The following MAP3K20 variants were observed in gnomAD, a reference collection of about 807,000 sequenced individuals.
MAP3K20 encodes the protein mitogen-activated protein kinase kinase kinase 20.
Under a neutral mutation model 85.7 loss-of-function variants are expected in MAP3K20, and 40 were observed. The observed-to-expected ratio is 0.47, with a 90% confidence interval of 0.36 to 0.61. The LOEUF is 0.61. Among genes scored for constraint, MAP3K20 ranks in the 20% least tolerant of loss-of-function variants. MAP3K20 has a pLI of 0.00. For missense variants in MAP3K20, 817 were observed against 961.7 expected, an observed-to-expected ratio of 0.85 and a Z score of 1.99; for synonymous variants, 325 against 327.7, an observed-to-expected ratio of 0.99 and a Z score of 0.09.
rs545806875 is a variant in MAP3K20 at position 173,174,308 on chromosome 2, C to T, written c.247+4416C>T. ...ATGGTGGTTTGTTGCACCCATCAAC[C>T]TGTCATCTACATTAGGTATTTTTCC... On this transcript the variant is annotated intron_variant, in intron 3 of 19. Coordinates refer to ENST00000375213, the MANE Select transcript of MAP3K20 (RefSeq NM_016653.3). 8.5e-5 allele frequency among the ~76,000 whole-genome samples: 13 copies of T among 152,218 alleles called. No homozygotes were observed. The East Asian group carries it at 1.7e-3, about 20-fold the overall frequency.
chr2:173,144,740 A>G (rs935538334), intron 2 of MAP3K20, among the ~76,000 whole-genome samples: 4 of 152,088 alleles, frequency 2.6e-5, no homozygotes, highest in Non-Finnish European at 4.4e-5. Flanking sequence ...TGCGTTTTCC[A>G]TAAGTCCAGT....
At chr2:173,128,350 TCAG>T (rs1688508045) in intron 2 of MAP3K20, among the ~76,000 whole-genome samples, 2 of 151,424 alleles carry the variant, frequency 1.3e-5, no homozygotes, top group Non-Finnish European at 2.9e-5. Flanking sequence ...TTTATTTATT[TCAG>T]ATAGAGTCTC....
chr2:173,089,213 A>C (rs1687224146), intron 1 of MAP3K20, among the ~76,000 whole-genome samples: 1 of 151,838 alleles, frequency 6.6e-6, no homozygotes, highest in Non-Finnish European at 1.5e-5. Context: ...AAGAATGGAA[A>C]GAGTAGTAAA....
At position 173,203,916 on chromosome 2, in the gene MAP3K20, CTT is replaced by C. The variant is rs779746436; in HGVS notation, c.744+47_744+48del. ...TATTGTTTAGAATTCTGAAATTTCT[CTT>C]GTTTGGCTTTCAGTTTTTAAAACTT... is the stretch of plus-strand genomic sequence containing the variant. On this transcript the variant is annotated intron_variant, in intron 9 of 19. Coordinates refer to ENST00000375213, the MANE Select transcript of MAP3K20 (RefSeq NM_016653.3). 73 of 1,555,162 alleles carry C rather than the reference CTT, an allele frequency of 4.7e-5. 1 individual carries two copies. Among genetic ancestry groups the C allele is most frequent in the African/African-American group, 2.8e-4 (21 of 73,708 alleles).
intron 14 of MAP3K20, among the ~76,000 whole-genome samples, chr2:173,234,170 T>C (rs1684592148): frequency 6.6e-6 from 1 of 152,198 alleles, no homozygotes; most frequent in African/African-American, 2.4e-5. Context: ...CCTGCCATCT[T>C]TGAAAAGGCC....
chr2:173,096,344 C>CTTT (rs11389136), intron 2 of MAP3K20, among the ~76,000 whole-genome samples: 7 of 144,628 alleles, frequency 4.8e-5, no homozygotes, highest in South Asian at 2.2e-4. Flanking sequence ...TTCTTTTTTC[C>CTTT]TTTTTTTTTT....
chr2:173,169,181 A>G (rs1050929530), intron 2 of MAP3K20, among the ~76,000 whole-genome samples: 1 of 152,150 alleles, frequency 6.6e-6, no homozygotes. Flanking sequence ...ATTTTGCAAA[A>G]TATATATATT....
chr2:173,081,189 A>T (rs927366560), intron 1 of MAP3K20, among the ~76,000 whole-genome samples: 14 of 140,886 alleles, frequency 9.9e-5, no homozygotes, highest in Admixed American at 2.9e-4. Context: ...AAAAAGACAA[A>T]TTTTTTTTTT....
Position 173,162,048 on chromosome 2 carries a change from A to G in MAP3K20, c.160-7757A>G, listed in dbSNP as rs142219538. Among the ~76,000 whole-genome samples the G allele has an allele frequency of 2.2e-3, 341 of 152,334 alleles. 1 individual carries two copies. Among genetic ancestry groups the G allele is most frequent in the African/African-American group, 7.6e-3 (317 of 41,572 alleles). ...TGCTTTTTCTGATTATAAAAATTAC[A>G]TAGACTTATTGTAAAGAATTTGGGA... On this transcript the variant is annotated intron_variant, in intron 2 of 19. Transcript: ENST00000375213.
Position 173,119,115 on chromosome 2 carries a change from C to T in MAP3K20, c.159+27925C>T, listed in dbSNP as rs186953288. On this transcript the variant is annotated intron_variant, in intron 2 of 19. Transcript: ENST00000375213. ...AGCAAACATAGGGAACAGCTGCTACCTCTAGCACTGAGGGAGAGCACTTAA... is the reference window on the plus strand; with the variant it reads ...AGCAAACATAGGGAACAGCTGCTACTTCTAGCACTGAGGGAGAGCACTTAA... Among the ~76,000 whole-genome samples the T allele has an allele frequency of 2.2e-3, 340 of 152,336 alleles. 1 individual carries two copies. The highest frequency in any genetic ancestry group is 7.6e-3 in the African/African-American group (316 of 41,586).
intron 2 of MAP3K20, among the ~76,000 whole-genome samples, chr2:173,152,533 T>C (rs1362676179): frequency 1.3e-5 from 2 of 152,186 alleles, no homozygotes; most frequent in African/African-American, 4.8e-5. Flanking sequence ...ACAGTGTTGT[T>C]AATTACCACT....
intron 2 of MAP3K20, among the ~76,000 whole-genome samples, chr2:173,103,735 A>G (rs750623677): frequency 1.9e-4 from 29 of 152,214 alleles, no homozygotes; most frequent in Non-Finnish European, 3.8e-4. Flanking sequence ...GTTGTTTCCC[A>G]TAATAGAACT....
chr2:173,177,417 C>T (rs1690191669), intron 3 of MAP3K20, among the ~76,000 whole-genome samples: 1 of 149,906 alleles, frequency 6.7e-6, no homozygotes, highest in Middle Eastern at 3.2e-3. Flanking sequence ...TAAATACCTA[C>T]TGGGTCAAAG....
At chr2:173,102,480 C>A (rs1018142567) in intron 2 of MAP3K20, among the ~76,000 whole-genome samples, 1 of 152,174 alleles carries the variant, frequency 6.6e-6, no homozygotes, top group African/African-American at 2.4e-5. Flanking sequence ...CTGCTAATAT[C>A]AGATGTTCAC....
chr2:173,219,637 A>G (rs1312653325), intron 11 of MAP3K20, among the ~76,000 whole-genome samples: 2 of 152,194 alleles, frequency 1.3e-5, no homozygotes, highest in African/African-American at 4.8e-5. Flanking sequence ...ATCTAAAGTA[A>G]TTGTTTTCTT....
chr2:173,147,752 A>G (rs1689177997), intron 2 of MAP3K20, among the ~76,000 whole-genome samples: 1 of 151,964 alleles, frequency 6.6e-6, no homozygotes, highest in African/African-American at 2.4e-5. Flanking sequence ...ACGCCCGGCT[A>G]ATTTTTGTAT....
rs141753970 is a variant in MAP3K20, at chr2:173,096,523, A to G, written c.159+5333A>G. ...CCTGGGTAATTTTTTGTAGTTTAGT[A>G]GAAACGGGGTTTCACCGTGTTAGCC... On this transcript the variant is annotated intron_variant, in intron 2 of 19. Coordinates refer to ENST00000375213, the MANE Select transcript of MAP3K20 (RefSeq NM_016653.3). Among the ~76,000 whole-genome samples the G allele has an allele frequency of 1.4e-3, 207 of 152,168 alleles. 1 individual carries two copies. The highest frequency in any genetic ancestry group is 4.9e-3 in the African/African-American group (204 of 41,550).
intron 10 of MAP3K20, chr2:173,211,613 A>G (rs2106306458): frequency 6.6e-6 from 1 of 152,306 alleles, no homozygotes; most frequent in South Asian, 2.1e-4. Context: ...CTTTGCTGCT[A>G]TTGGAATTAA....
intron 3 of MAP3K20, among the ~76,000 whole-genome samples, chr2:173,173,182 GTGTGTGTGTGTGTGTC>G (rs1404206019): frequency 5.1e-5 from 7 of 137,980 alleles, no homozygotes; most frequent in Admixed American, 1.6e-4. Flanking sequence ...GTGTGTGTGT[GTGTGTGTGTGTGTGTC>G]TGTGTAAAAC....
Sources: gnomAD v4.1 joint callset for allele counts (sites outside exome capture counted in the v4.1 genomes callset) on GRCh38, gnomAD v4.1.1 for gene constraint, MANE v1.5 for transcripts, NCBI Gene and HGNC (gene_info 2026-07-23, HGNC 2026-07-21) for gene names.